The following ABL1 variants were observed in gnomAD, a reference collection of about 807,000 sequenced individuals.
ABL1 encodes the protein ABL proto-oncogene 1, non-receptor tyrosine kinase.
A neutral mutation model predicts 94.7 loss-of-function variants in ABL1; 11 were observed. The ratio of observed to expected loss-of-function variants is 0.12; its 90% CI spans 0.07 to 0.19. The LOEUF is 0.19. Among genes scored for constraint, ABL1 ranks in the 10% least tolerant of loss-of-function variants. The probability of loss-of-function intolerance (pLI) is 1.00; values close to 1 mark genes in which losing one functional copy is unlikely to be tolerated. For missense variants in ABL1, 1,082 were observed against 1,489.4 expected (o/e 0.73, Z 4.50); for synonymous variants, 656 against 622.4 (o/e 1.05, Z -0.80).
intron 1 of ABL1, among the ~76,000 whole-genome samples, chr9:130,812,200 CAAAAA>C (rs35352789): frequency 2.1e-5 from 1 of 48,778 alleles, no homozygotes; most frequent in African/African-American, 6.3e-5. Context: ...TCCATCTCTA[CAAAAA>C]AAAAAAAAAA....
At chr9:130,715,851 C>T (rs933958533) in intron 1 of ABL1, among the ~76,000 whole-genome samples, 2 of 152,176 alleles carry the variant, frequency 1.3e-5, no homozygotes, top group South Asian at 4.1e-4. Context: ...AAACTATTTT[C>T]TTGTTAATAG....
At chr9:130,822,213 C>T (rs1272748301) in intron 1 of ABL1, among the ~76,000 whole-genome samples, 1 of 152,156 alleles carries the variant, frequency 6.6e-6, no homozygotes, top group Non-Finnish European at 1.5e-5. Flanking sequence ...CTCAGGTGAT[C>T]CACCCACCTT....
At position 130,880,603 on chromosome 9, in the gene ABL1, A is replaced by G; in HGVS notation, c.1617A>G (p.Ala539=). ...AGACGAGGACCTCCAGGAGAGCTGCAGAGCACAGAGACACCACTGACGTGC... is the reference window on the plus strand; with the variant it reads ...AGACGAGGACCTCCAGGAGAGCTGCGGAGCACAGAGACACCACTGACGTGC... ...PTKTRTSRRA[A]EHRDTTDVPE... Residue 539 remains alanine, a synonymous_variant, in exon 10 of 11, where the codon GCA becomes GCG. Transcript: ENST00000318560. The surrounding 1 kb of genome is among the most constrained non-coding windows in gnomAD (Gnocchi z 4.4). The G allele has an allele frequency of 6.2e-7, 1 of 1,613,550 alleles. No homozygotes were observed. The highest frequency in any genetic ancestry group is 8.5e-7 in the Non-Finnish European group (1 of 1,179,860).
chr9:130,773,648 T>C (rs1038776239), intron 1 of ABL1, among the ~76,000 whole-genome samples: 3 of 148,704 alleles, frequency 2.0e-5, no homozygotes, highest in African/African-American at 5.0e-5. Flanking sequence ...TTTTTTTTTT[T>C]CATTTTGTAG....
At chr9:130,874,357 A>G (rs1203929202) in intron 6 of ABL1, among the ~76,000 whole-genome samples, 1 of 152,220 alleles carries the variant, frequency 6.6e-6, no homozygotes. Flanking sequence ...AAAGAATGCC[A>G]TGGGCTTTGT....
At chr9:130,854,513 A>C (rs1277383148) in intron 2 of ABL1, among the ~76,000 whole-genome samples, 1 of 152,240 alleles carries the variant, frequency 6.6e-6, no homozygotes, top group Non-Finnish European at 1.5e-5. Flanking sequence ...AAGAAAAAGC[A>C]TTATTTCCCT....
At chr9:130,834,139 G>T, upstream of ABL1, 1 of 452,672 alleles carries the variant, frequency 2.2e-6, no homozygotes, top group South Asian at 1.6e-5. Context: ...TGAAGAATTG[G>T]GATAATCTGT....
chr9:130,841,277 A>G lies in ABL1; in HGVS notation c.79+5752A>G, dbSNP rs377176518. On this transcript the variant is annotated intron_variant, in intron 1 of 10. Transcript: ENST00000318560. ...ATTCTCCTGCCTCAGCCTCCCTAGT[A>G]GAGGGTACTACAGGCGCCCGGGGGT... 2.0e-5 allele frequency among the ~76,000 whole-genome samples: 3 copies of G among 151,614 alleles called. No homozygotes were observed. In the East Asian group the frequency reaches 6.0e-4, roughly 30 times the overall value.
At chr9:130,854,019 T>C (rs956000951) in intron 1 of ABL1, 45 bp from the exon 2 acceptor site, 11 of 1,549,960 alleles carry the variant, frequency 7.1e-6, no homozygotes, top group Non-Finnish European at 9.6e-6. Flanking sequence ...TTCTCCCAAT[T>C]TTCTCTTCCT....
rs546853662 is a variant in ABL1, at chr9:130,813,549, A to G, written c.137-40515A>G. Among the ~76,000 whole-genome samples the G allele has an allele frequency of 2.4e-5, 3 of 126,802 alleles. No homozygotes were observed. In the South Asian group the frequency reaches 8.4e-4, roughly 35 times the overall value. 83.2% of individuals were successfully genotyped at this position (126,802 alleles called of 152,430 possible). A position where few individuals can be genotyped will look rare whatever the true frequency, so the allele number is the denominator to read the frequency against. On this transcript the variant is annotated intron_variant, in intron 1 of 10. Coordinates refer to the ABL1 transcript ENST00000372348. ...GCACTCCAGCCTGGCTGAGAGAGCGAGACTCCATCTCCAAAAAAAAAAAAA... is the reference window on the plus strand; with the variant it reads ...GCACTCCAGCCTGGCTGAGAGAGCGGGACTCCATCTCCAAAAAAAAAAAAA...
At chr9:130,790,672 C>T (rs911482308) in intron 1 of ABL1, among the ~76,000 whole-genome samples, 3 of 151,606 alleles carry the variant, frequency 2.0e-5, no homozygotes, top group Admixed American at 1.3e-4. Context: ...CAGGGTCTCG[C>T]TGTGCTGCCC....
chr9:130,865,873 G>A (rs7030209), intron 4 of ABL1, among the ~76,000 whole-genome samples: 1,952 of 151,602 alleles, frequency 0.013, 50 homozygotes, highest in African/African-American at 0.045. Flanking sequence ...ACTACATGTC[G>A]CATCTCATTG....
At chr9:130,821,015 C>T (rs1040242349) in intron 1 of ABL1, among the ~76,000 whole-genome samples, 18 of 152,026 alleles carry the variant, frequency 1.2e-4, no homozygotes, top group Admixed American at 2.6e-4. Flanking sequence ...CTGCAGCCTC[C>T]ACCTCCCGGG....
intron 1 of ABL1, among the ~76,000 whole-genome samples, chr9:130,757,310 C>T (rs1832052575): frequency 6.6e-6 from 1 of 152,116 alleles, no homozygotes; most frequent in African/African-American, 2.4e-5. Context: ...TCTGTAATCC[C>T]AGCCCTTTGG....
At chr9:130,806,166 C>A (rs1830122292) in intron 1 of ABL1, among the ~76,000 whole-genome samples, 1 of 152,158 alleles carries the variant, frequency 6.6e-6, no homozygotes, top group Non-Finnish European at 1.5e-5. Flanking sequence ...CAGGTAGAAT[C>A]CCAGCAAACT....
chr9:130,716,164 G>A (rs1443714475), intron 1 of ABL1, among the ~76,000 whole-genome samples: 1 of 141,854 alleles, frequency 7.0e-6, no homozygotes, highest in South Asian at 2.2e-4. Context: ...TGGCGATCTC[G>A]GCTCACTGTA....
intron 2 of ABL1, 146 bp from the exon 3 acceptor site, chr9:130,854,653 TTA>T: frequency 1.2e-6 from 1 of 856,828 alleles, no homozygotes; most frequent in East Asian, 2.7e-5. Flanking sequence ...TCTCATACAC[TTA>T]TAAATGCATA....
intron 1 of ABL1, among the ~76,000 whole-genome samples, chr9:130,733,639 C>T (rs9722387): frequency 0.32 from 46,411 of 143,192 alleles, 10,815 homozygotes; most frequent in African/African-American, 0.65. Flanking sequence ...AGTGCAGTGG[C>T]GTAATCTCGG....
Position 130,786,850 on chromosome 9 carries a change from GA to G in ABL1, c.137-67207del, listed in dbSNP as rs148063581. Among the ~76,000 whole-genome samples the G allele has an allele frequency of 3.0e-3, 453 of 152,162 alleles. 7 individuals are homozygous for G. Among genetic ancestry groups the G allele is most frequent in the African/African-American group, 0.011 (437 of 41,518 alleles). ...GTTATGATATAGTAACTTAATAAGTGAAAAAAACATCTTGGACCAATAAGGA... is the reference window on the plus strand; with the variant it reads ...GTTATGATATAGTAACTTAATAAGTGAAAAAACATCTTGGACCAATAAGGA... On this transcript the variant is annotated intron_variant, in intron 1 of 10. Transcript: ENST00000372348.
Sources: allele counts gnomAD v4.1 joint callset (sites outside exome capture counted in the v4.1 genomes callset), GRCh38; gene constraint gnomAD v4.1.1; non-coding constraint Gnocchi (gnomAD v3.1); transcripts MANE v1.5; gene names NCBI Gene and HGNC (gene_info 2026-07-23, HGNC 2026-07-21).